The following PUM2 variants were observed in gnomAD, a reference collection of about 807,000 sequenced individuals.
PUM2 encodes the protein pumilio homolog 2.
PUM2 carries 57 observed loss-of-function variants against 124.5 expected under a neutral mutation model. The observed-to-expected ratio is 0.46, with a 90% CI of 0.37 to 0.57. The LOEUF is 0.57. PUM2 is among the 20% of genes least tolerant of loss of function. The pLI, the probability that PUM2 is intolerant of heterozygous loss-of-function variation, is 0.00. For synonymous variants in PUM2, 460 were observed against 446.1 expected, an observed-to-expected ratio of 1.03 and a Z score of -0.39; for missense variants, 1,065 against 1,290.6, an observed-to-expected ratio of 0.83 and a Z score of 2.68.
At chr2:20,292,815 C>T (rs1221425802) in intron 9 of PUM2, among the ~76,000 whole-genome samples, 2 of 152,060 alleles carry the variant, frequency 1.3e-5, no homozygotes, top group Non-Finnish European at 2.9e-5. Flanking sequence ...CCTGTCATCC[C>T]AGCTACTTGG....
At position 20,282,285 on chromosome 2, in the gene PUM2, T is replaced by G. The variant is rs1228848916; in HGVS notation, c.1720+662A>C. 2.6e-5 allele frequency among the ~76,000 whole-genome samples: 4 copies of G among 152,206 alleles called. No individual in the cohort carries two copies. The East Asian group carries it at 7.7e-4, about 29-fold the overall frequency. On this transcript the variant is annotated intron_variant, in intron 12 of 20. Transcript: ENST00000361078. Reference sequence around the variant, plus strand: ...GAACCAGTTTGAGTGGGTCAATTATTTAGTGAAGCTATTTAAAATTTTGAT... The same window carrying G: ...GAACCAGTTTGAGTGGGTCAATTATGTAGTGAAGCTATTTAAAATTTTGAT...
intron 1 of PUM2, among the ~76,000 whole-genome samples, chr2:20,342,392 T>C (rs1400721751): frequency 6.6e-6 from 1 of 152,212 alleles, no homozygotes; most frequent in Non-Finnish European, 1.5e-5. Context: ...AAGCTCTGAG[T>C]ACATGTTCAA....
At chr2:20,270,881 C>T (rs1034628538) in intron 13 of PUM2, among the ~76,000 whole-genome samples, 1 of 151,828 alleles carries the variant, frequency 6.6e-6, no homozygotes, top group Non-Finnish European at 1.5e-5. Flanking sequence ...AGAAAATAAA[C>T]CTAGAAACAA....
At chr2:20,278,429 A>T (rs957333733) in intron 13 of PUM2, among the ~76,000 whole-genome samples, 154 bp downstream of exon 13, 2 of 152,176 alleles carry the variant, frequency 1.3e-5, no homozygotes, top group Non-Finnish European at 2.9e-5. Flanking sequence ...AATTTTCAGG[A>T]AAGTAGAACT....
At position 20,292,737 on chromosome 2, in the gene PUM2, C is replaced by T. The variant is rs545586915; in HGVS notation, c.1152+1639G>A. Among the ~76,000 whole-genome samples the T allele has an allele frequency of 3.9e-5, 6 of 152,180 alleles. No homozygotes were observed. The South Asian group carries it at 1.0e-3, about 26-fold the overall frequency. On this transcript the variant is annotated intron_variant, in intron 9 of 20. Coordinates refer to ENST00000361078, the MANE Select transcript of PUM2 (RefSeq NM_015317.5). ...CCTGAGGTCGGGAGTTCAAGACCAG[C>T]CTGACCAACATGGAGAAACCCTGTT...
chr2:20,304,895 T>C (rs1572828662), intron 7 of PUM2, among the ~76,000 whole-genome samples: 1 of 152,348 alleles, frequency 6.6e-6, no homozygotes, highest in East Asian at 1.9e-4. Flanking sequence ...AAAATGTGAT[T>C]ACTAAATAAC....
Position 20,260,384 on chromosome 2 carries a change from A to C in PUM2, c.2308T>G (p.Leu770Val). ...FNEILQAAYQ[L>V]MTDVFGNYVI... ...TAGTTGCCAAAAACATCAGTCATTA[A>C]TTGATAGGCTGCTTGCAGAATTTCA... The change falls in exon 15 of 21, where the codon TTA (leucine) becomes GTA (valine). Residue 770 changes from leucine to valine, a missense_variant. Leu to Val is a conservative substitution (Grantham distance 32). This residue lies in a region of PUM2 where 968 missense variants were observed against 1,159.8 expected (regional missense o/e 0.83). Coordinates refer to ENST00000361078, the MANE Select transcript of PUM2 (RefSeq NM_015317.5). The C allele has an allele frequency of 6.2e-7, 1 of 1,613,008 alleles. No individual in the cohort carries two copies. The highest frequency in any genetic ancestry group is 8.5e-7 in the Non-Finnish European group (1 of 1,179,244).
intron 13 of PUM2, among the ~76,000 whole-genome samples, chr2:20,268,992 T>TA (rs1165218933): frequency 6.6e-6 from 1 of 152,114 alleles, no homozygotes; most frequent in Non-Finnish European, 1.5e-5. Flanking sequence ...GACAACAGCT[T>TA]AGAGAATCTA....
chr2:20,256,796 A>C (rs547952848), intron 16 of PUM2, among the ~76,000 whole-genome samples: 1 of 152,160 alleles, frequency 6.6e-6, no homozygotes, highest in Non-Finnish European at 1.5e-5. Context: ...CTGTAATCCC[A>C]GCACTTTGGG....
rs1395543556 is a variant in PUM2 at position 20,296,568 on chromosome 2, A to G, written c.1009+985T>C. On this transcript the variant is annotated intron_variant, in intron 8 of 20. Coordinates refer to ENST00000361078, the MANE Select transcript of PUM2 (RefSeq NM_015317.5). ...GTGGGTTTCAAACTGATTAGTGACA[A>G]TATTTCAGTCAAGATATCGCTCAAA... Among the ~76,000 whole-genome samples the G allele has an allele frequency of 3.9e-5, 6 of 152,066 alleles. No homozygotes were observed. In the East Asian group the frequency reaches 1.2e-3, roughly 29 times the overall value.
At chr2:20,278,377 TA>T (rs971490813) in intron 13 of PUM2, among the ~76,000 whole-genome samples, 1 of 151,918 alleles carries the variant, frequency 6.6e-6, no homozygotes, top group African/African-American at 2.4e-5. Context: ...TAAGAAACAA[TA>T]GGGGGGTCTT....
chr2:20,290,588 G>GT, intron 10 of PUM2, 64 bp downstream of exon 10: 2 of 1,470,820 alleles, frequency 1.4e-6, no homozygotes, highest in South Asian at 2.8e-5. Flanking sequence ...TCACTCTTCA[G>GT]TGTGAGTACC....
chr2:20,326,597 T>C (rs1160743213), intron 2 of PUM2, among the ~76,000 whole-genome samples: 3 of 152,196 alleles, frequency 2.0e-5, no homozygotes, highest in South Asian at 2.1e-4. Context: ...AAGTATTCAT[T>C]AGCTATATGA....
intron 2 of PUM2, among the ~76,000 whole-genome samples, chr2:20,321,286 AAAAAAAG>A (rs1382846840): frequency 6.6e-6 from 1 of 152,132 alleles, no homozygotes; most frequent in Non-Finnish European, 1.5e-5. Context: ...ACTCTGTCTC[AAAAAAAG>A]AAAAAAGAAA....
chr2:20,304,471 A>C (rs1677742375), intron 7 of PUM2, among the ~76,000 whole-genome samples: 1 of 152,236 alleles, frequency 6.6e-6, no homozygotes. Flanking sequence ...AACACATGAA[A>C]ATTATTTGAA....
At chr2:20,322,717 C>T (rs1045309862) in intron 2 of PUM2, among the ~76,000 whole-genome samples, 2 of 152,066 alleles carry the variant, frequency 1.3e-5, no homozygotes, top group African/African-American at 4.8e-5. Flanking sequence ...GTGGGAGGAT[C>T]ACTTTAGGCC....
intron 2 of PUM2, among the ~76,000 whole-genome samples, chr2:20,322,415 TC>T (rs1349141755): frequency 6.6e-6 from 1 of 152,048 alleles, no homozygotes; most frequent in Non-Finnish European, 1.5e-5. Context: ...AGACCCTGTC[TC>T]TTTTAAAAAA....
chr2:20,314,828 C>A (rs1212131326), intron 3 of PUM2, among the ~76,000 whole-genome samples: 1 of 152,046 alleles, frequency 6.6e-6, no homozygotes, highest in Non-Finnish European at 1.5e-5. Flanking sequence ...CCGAGAACAA[C>A]ACAGTTTGTC....
chr2:20,350,442 A>G, intron 1 of PUM2, 155 bp downstream of exon 1: 1 of 961,594 alleles, frequency 1.0e-6, no homozygotes, highest in Non-Finnish European at 1.2e-6. Flanking sequence ...GCATTGTGCG[A>G]GCGGGCCCCA....
Sources: gnomAD v4.1 joint callset for allele counts (sites outside exome capture counted in the v4.1 genomes callset) on GRCh38, gnomAD v4.1.1 for gene constraint, gnomAD v4.1.1 regional missense constraint, MANE v1.5 for transcripts, NCBI Gene and HGNC (gene_info 2026-07-23, HGNC 2026-07-21) for gene names.